CA10: variants seen among roughly 807,000 people sequenced by gnomAD.
The protein encoded by CA10 is carbonic anhydrase 10 (inactive).
In CA10, 14 loss-of-function variants were observed where a neutral mutation model predicts 44.2. That is an observed-to-expected ratio of 0.32 (90% CI 0.21 to 0.50). CA10 has a LOEUF of 0.50. CA10 is among the 20% of genes least tolerant of loss of function. CA10 has a pLI of 0.99. For synonymous variants in CA10, 159 were observed against 141.6 expected (o/e 1.12, Z -0.87); for missense variants, 350 against 409.7 (o/e 0.85, Z 1.26).
intron 2 of CA10, among the ~76,000 whole-genome samples, chr17:51,988,536 A>G (rs1219462111): frequency 6.6e-6 from 1 of 151,970 alleles, no homozygotes; most frequent in Non-Finnish European, 1.5e-5. Context: ...TTTTTTTTCC[A>G]TTCTGTTTCT....
chr17:52,157,531 C>CCCA (rs1555571056), intron 1 of CA10, among the ~76,000 whole-genome samples, 195 bp downstream of exon 1: 3 of 145,992 alleles, frequency 2.1e-5, no homozygotes, highest in African/African-American at 7.7e-5. Flanking sequence ...TCCTAACCAC[C>CCCA]CCCCCCCGCA....
chr17:52,132,873 C>T lies in CA10; in HGVS notation c.61+24853G>A, dbSNP rs552908819. On this transcript the variant is annotated intron_variant, in intron 1 of 8. Transcript: ENST00000451037. The stretch of plus-strand genomic sequence containing the variant: ...CACAGGTGACATCTCGTGGCTCAAC[C>T]GAGGCACAGGACCACAGTGAGACAA... Among the ~76,000 whole-genome samples, 100 of 152,184 alleles carry T rather than the reference C, an allele frequency of 6.6e-4. 1 individual carries two copies. Among genetic ancestry groups the T allele is most frequent in the Admixed American group, 3.3e-3 (50 of 15,294 alleles).
intron 2 of CA10, among the ~76,000 whole-genome samples, chr17:52,048,960 A>C (rs147347507): frequency 6.6e-6 from 1 of 151,632 alleles, no homozygotes; most frequent in African/African-American, 2.4e-5. Context: ...TGATTGAAGA[A>C]AATAAAAACA....
chr17:51,922,385 T>A (rs904219384), intron 3 of CA10, among the ~76,000 whole-genome samples: 15 of 152,300 alleles, frequency 9.8e-5, no homozygotes, highest in African/African-American at 3.4e-4. Context: ...GGCCATGTAT[T>A]CTCTCCCAAA....
intron 3 of CA10, among the ~76,000 whole-genome samples, chr17:51,822,433 CAA>C (rs1225219966): frequency 1.3e-5 from 2 of 150,786 alleles, no homozygotes; most frequent in African/African-American, 2.4e-5. Context: ...AAAACAAAAA[CAA>C]AAACAAAAAC....
At chr17:51,678,526 G>A (rs1376628292) in intron 4 of CA10, among the ~76,000 whole-genome samples, 6 of 152,190 alleles carry the variant, frequency 3.9e-5, no homozygotes, top group Non-Finnish European at 7.3e-5. Flanking sequence ...CAGTCCATGT[G>A]GGGAACACAG....
chr17:51,814,605 T>C lies in CA10; in HGVS notation c.280-66787A>G, dbSNP rs72832683. 5.1e-3 allele frequency among the ~76,000 whole-genome samples: 774 copies of C among 152,304 alleles called. 3 individuals carry two copies. Among genetic ancestry groups the C allele is most frequent in the Non-Finnish European group, 8.3e-3 (564 of 68,026 alleles). ...AGAAACTGCTTTCTCTGAACACCTA[T>C]TAATATTTCATAAAACTAGGTTTTC... On this transcript the variant is annotated intron_variant, in intron 3 of 8. Transcript: ENST00000451037.
intron 2 of CA10, among the ~76,000 whole-genome samples, chr17:51,974,820 CT>C: frequency 6.6e-6 from 1 of 152,174 alleles, no homozygotes; most frequent in Non-Finnish European, 1.5e-5. Flanking sequence ...CTGAAAAAAA[CT>C]CTTGTTCAGC....
At chr17:51,636,705 T>C (rs1912841064) in intron 6 of CA10, among the ~76,000 whole-genome samples, 1 of 151,784 alleles carries the variant, frequency 6.6e-6, no homozygotes, top group Non-Finnish European at 1.5e-5. Flanking sequence ...GAAAATATTT[T>C]TGGATAGAAA....
At chr17:51,880,136 G>C (rs988397123) in intron 3 of CA10, among the ~76,000 whole-genome samples, 12 of 151,986 alleles carry the variant, frequency 7.9e-5, no homozygotes, top group African/African-American at 2.7e-4. Context: ...TAATAAGCCA[G>C]TCCTAACCCT....
chr17:51,859,501 T>C (rs947914282), intron 3 of CA10, among the ~76,000 whole-genome samples: 2 of 152,190 alleles, frequency 1.3e-5, no homozygotes, highest in Admixed American at 6.5e-5. Flanking sequence ...TGAAATCACC[T>C]TGGGATACCC....
At chr17:51,661,395 T>C (rs1272539776) in intron 4 of CA10, among the ~76,000 whole-genome samples, 2 of 152,216 alleles carry the variant, frequency 1.3e-5, no homozygotes, top group African/African-American at 2.4e-5. Context: ...GAGTATCACA[T>C]TGGGCTGCGT....
chr17:51,680,595 A>C (rs1914811277), intron 4 of CA10, among the ~76,000 whole-genome samples: 1 of 152,192 alleles, frequency 6.6e-6, no homozygotes, highest in Non-Finnish European at 1.5e-5. Flanking sequence ...GTTTGGAAAC[A>C]TCTCTTTTGG....
At chr17:51,633,671 G>C in intron 7 of CA10, 21 bp from the exon 8 acceptor site, 2 of 1,600,350 alleles carry the variant, frequency 1.2e-6, no homozygotes, top group Non-Finnish European at 1.7e-6. Context: ...AGAAGTGGCC[G>C]TGAGATCCAA....
In CA10 at chr17:51,854,148, G is replaced by A. The variant is rs539636857; in HGVS notation, c.279+76842C>T. 4.6e-5 allele frequency among the ~76,000 whole-genome samples: 7 copies of A among 152,320 alleles called. No individual in the cohort carries two copies. In the South Asian group the frequency reaches 1.5e-3, roughly 32 times the overall value. On this transcript the variant is annotated intron_variant, in intron 3 of 8. Transcript: ENST00000451037. ...AAGATTCTCAGGGAATGATCAGCCAGTTGGCTTGCTCTACGGTTTTCTTTC... is the reference window on the plus strand; with the variant it reads ...AAGATTCTCAGGGAATGATCAGCCAATTGGCTTGCTCTACGGTTTTCTTTC...
At chr17:51,665,803 C>T (rs1341783467) in intron 4 of CA10, among the ~76,000 whole-genome samples, 2 of 152,170 alleles carry the variant, frequency 1.3e-5, no homozygotes, top group Non-Finnish European at 2.9e-5. Context: ...ACATAGGCAG[C>T]CTGTCATTGA....
intron 3 of CA10, among the ~76,000 whole-genome samples, chr17:51,902,456 T>TA (rs1981359596): frequency 6.6e-6 from 1 of 152,128 alleles, no homozygotes; most frequent in South Asian, 2.1e-4. Flanking sequence ...CCTGAGAGAC[T>TA]AGGACACCAG....
chr17:52,015,858 A>G (rs564932063), intron 2 of CA10, among the ~76,000 whole-genome samples: 36 of 152,220 alleles, frequency 2.4e-4, no homozygotes, highest in African/African-American at 8.2e-4. Context: ...TCTAATTGGG[A>G]ATGCTGCTTT....
intron 2 of CA10, among the ~76,000 whole-genome samples, chr17:51,994,627 G>A (rs1243079069): frequency 1.7e-5 from 2 of 115,178 alleles, no homozygotes; most frequent in Admixed American, 8.4e-5. Flanking sequence ...ACAGAGATCT[G>A]GACTTGAGTA....
Sources: gnomAD v4.1 joint callset for allele counts (sites outside exome capture counted in the v4.1 genomes callset) on GRCh38, gnomAD v4.1.1 for gene constraint, MANE v1.5 for transcripts, NCBI Gene and HGNC (gene_info 2026-07-23, HGNC 2026-07-21) for gene names.